NPY2R: variants seen among roughly 807,000 people sequenced by gnomAD.
The protein encoded by NPY2R is neuropeptide Y receptor Y2.
NPY2R carries 17 observed loss-of-function variants against 22.3 expected under a neutral mutation model. The observed-to-expected ratio is 0.76, with a 90% CI of 0.52 to 1.14. The LOEUF (loss-of-function observed/expected upper bound fraction) is 1.14, where lower values mean the gene tolerates loss of function less well. Ranked by LOEUF, NPY2R falls within the 50% of genes most tolerant of loss-of-function variation. The probability of loss-of-function intolerance (pLI) is 0.00; values close to 1 mark genes in which losing one functional copy is unlikely to be tolerated. For missense variants in NPY2R, 424 were observed against 467.9 expected, an observed-to-expected ratio of 0.91 and a Z score of 0.87; for synonymous variants, 209 against 183.4, an observed-to-expected ratio of 1.14 and a Z score of -1.13.
At chr4:155,182,368 G>A in the NPY2R span, among the ~76,000 whole-genome samples, 1 of 152,214 alleles carries the variant, frequency 6.6e-6, no homozygotes, top group Non-Finnish European at 1.5e-5. Flanking sequence ...TGTCACTTGT[G>A]GGTGTCTTTG....
the NPY2R span, among the ~76,000 whole-genome samples, chr4:155,197,033 A>G: frequency 1.3e-5 from 2 of 151,942 alleles, no homozygotes; most frequent in African/African-American, 4.8e-5. Flanking sequence ...TCATTGCTCA[A>G]AATACTAAGG....
At position 155,214,446 on chromosome 4, in the gene NPY2R, T is replaced by C. The variant is rs1729468849; in HGVS notation, c.507T>C (p.Ile169=). 1.9e-6 allele frequency: 3 copies of C among 1,614,048 alleles called. No individual in the cohort carries two copies. The highest frequency in any genetic ancestry group is 2.5e-6 in the Non-Finnish European group (3 of 1,180,008). Residue 169 remains isoleucine (I), a synonymous_variant, in exon 2 of 2, where the codon ATT becomes ATC. Coordinates refer to ENST00000329476, the MANE Select transcript of NPY2R (RefSeq NM_000910.4). Reference sequence around the variant, plus strand: ...CCAAGCGAATCAGCTTCCTGATTATTGGCTTGGCCTGGGGCATCAGTGCCC... The same window carrying C: ...CCAAGCGAATCAGCTTCCTGATTATCGGCTTGGCCTGGGGCATCAGTGCCC... ...KISKRISFLI[I]GLAWGISALL...
the NPY2R span, chr4:155,174,249 G>T: frequency 6.6e-6 from 1 of 151,694 alleles, no homozygotes; most frequent in Non-Finnish European, 1.5e-5. Context: ...TAAATAATTA[G>T]CTCCATACTC....
intron 1 of NPY2R, among the ~76,000 whole-genome samples, chr4:155,213,158 T>TA (rs1001134242): frequency 2.6e-5 from 4 of 151,972 alleles, no homozygotes; most frequent in African/African-American, 9.7e-5. Flanking sequence ...GAGTGAGGGA[T>TA]AAAAAAACTA....
the NPY2R span, among the ~76,000 whole-genome samples, chr4:155,176,149 C>T: frequency 6.6e-6 from 1 of 152,162 alleles, no homozygotes; most frequent in South Asian, 2.1e-4. Flanking sequence ...CTCTCTAATT[C>T]CTGTTTTCCC....
rs1326896715 is a variant in NPY2R, at chr4:155,216,325, ATTT to A, written c.*1244_*1246del. ...AATTGTAGAACATAGATGCTACAGT[ATTT>A]TTTATTTAATTATATTATGAATAAA... On this transcript the variant is annotated 3_prime_UTR_variant, in exon 2 of 2. Transcript: ENST00000329476. 6.0e-6 allele frequency: 1 copy of A among 166,616 alleles called. No individual in the cohort carries two copies. Among genetic ancestry groups the A allele is most frequent in the East Asian group, 1.9e-4 (1 of 5,202 alleles). 10.3% of individuals were successfully genotyped at this position (166,616 alleles called of 1,614,324 possible). A position where few individuals can be genotyped will look rare whatever the true frequency, so the allele number is the denominator to read the frequency against.
Position 155,213,947 on chromosome 4 carries a change from C to A in NPY2R, c.8C>A (p.Pro3Gln). MGPIGAEADENQT... is the reference protein window; with the variant it reads MGQIGAEADENQT... The stretch of plus-strand genomic sequence containing the variant: ...AGTGGACCTGTACTGAAAATGGGTC[C>A]AATAGGTGCAGAGGCTGATGAGAAC... Residue 3 changes from proline (P) to glutamine (Q), a missense_variant, in exon 2 of 2, where the codon CCA becomes CAA. By Grantham distance (76) the Pro-to-Gln change is moderately conservative. Transcript: ENST00000329476. 1 of 1,613,726 alleles carries A rather than the reference C, an allele frequency of 6.2e-7. No individual in the cohort carries two copies. Among genetic ancestry groups the A allele is most frequent in the South Asian group, 1.1e-5 (1 of 91,052 alleles).
chr4:155,178,347 T>C, the NPY2R span, among the ~76,000 whole-genome samples: 1 of 151,726 alleles, frequency 6.6e-6, no homozygotes, highest in Non-Finnish European at 1.5e-5. Context: ...TTGTTATCAA[T>C]TTAACTCCAT....
the NPY2R span, among the ~76,000 whole-genome samples, chr4:155,200,225 G>A: frequency 1.5e-3 from 224 of 152,096 alleles, no homozygotes; most frequent in African/African-American, 4.6e-3. Context: ...AAGACATTAC[G>A]TGGTCAACAA....
At chr4:155,179,118 A>AT in the NPY2R span, among the ~76,000 whole-genome samples, 42 of 152,006 alleles carry the variant, frequency 2.8e-4, no homozygotes, top group African/African-American at 8.7e-4. Flanking sequence ...CATATGTGCC[A>AT]TTTTTTCTCT....
At chr4:155,201,639 T>C in the NPY2R span, among the ~76,000 whole-genome samples, 1 of 152,128 alleles carries the variant, frequency 6.6e-6, no homozygotes, top group African/African-American at 2.4e-5. Flanking sequence ...AATGTCACGT[T>C]GGAGCATCAT....
the NPY2R span, among the ~76,000 whole-genome samples, chr4:155,201,355 C>T: frequency 6.6e-6 from 1 of 152,084 alleles, no homozygotes; most frequent in South Asian, 2.1e-4. Context: ...TGTTATAAGT[C>T]TAAATACTCT....
rs768686683 is a variant in NPY2R, at chr4:155,214,942, G to C, written c.1003G>C (p.Ala335Pro). 1 of 1,614,182 alleles carries C rather than the reference G, an allele frequency of 6.2e-7. No homozygotes were observed. Among genetic ancestry groups the C allele is most frequent in the Admixed American group, 1.7e-5 (1 of 60,028 alleles). ...YGWMNSNYRK[A>P]FLSAFRCEQR... Reference sequence around the variant, plus strand: ...CTGGATGAACAGCAACTACAGAAAGGCTTTCCTCTCGGCCTTCCGCTGTGA... The same window carrying C: ...CTGGATGAACAGCAACTACAGAAAGCCTTTCCTCTCGGCCTTCCGCTGTGA... Residue 335 changes from alanine (A) to proline (P), a missense_variant, in exon 2 of 2, where the codon GCT (alanine) becomes CCT (proline). Coordinates refer to ENST00000329476, the MANE Select transcript of NPY2R (RefSeq NM_000910.4).
the NPY2R span, among the ~76,000 whole-genome samples, chr4:155,192,756 A>C: frequency 6.6e-6 from 1 of 151,930 alleles, no homozygotes; most frequent in Non-Finnish European, 1.5e-5. Context: ...GACTAACATT[A>C]TTGTGAGAAT....
intron 1 of NPY2R, among the ~76,000 whole-genome samples, chr4:155,210,247 T>C (rs1184067414): frequency 1.2e-5 from 1 of 81,058 alleles, no homozygotes; most frequent in Non-Finnish European, 2.1e-5. Flanking sequence ...TGTTTTGACC[T>C]GGCTGAAGGG....
At chr4:155,203,815 A>G (rs1299894391), upstream of NPY2R, among the ~76,000 whole-genome samples, 3 of 152,212 alleles carry the variant, frequency 2.0e-5, no homozygotes, top group African/African-American at 7.2e-5. Flanking sequence ...TTTTCAATAT[A>G]CTAAATACCA....
chr4:155,191,668 C>T, the NPY2R span, among the ~76,000 whole-genome samples: 16 of 151,824 alleles, frequency 1.1e-4, no homozygotes, highest in African/African-American at 3.9e-4. Context: ...AAATCCTTGC[C>T]TGAATTTCAT....
the NPY2R span, among the ~76,000 whole-genome samples, chr4:155,185,714 A>G: frequency 6.6e-6 from 1 of 152,092 alleles, no homozygotes. Flanking sequence ...GGTACAACAA[A>G]AATCAAACAA....
the NPY2R span, among the ~76,000 whole-genome samples, chr4:155,202,110 T>G: frequency 1.3e-5 from 2 of 152,302 alleles, no homozygotes; most frequent in Admixed American, 1.3e-4. Context: ...GGTTCTACAT[T>G]GACTCAGTAT....
Sources: gnomAD v4.1 joint callset for allele counts (sites outside exome capture counted in the v4.1 genomes callset) on GRCh38, gnomAD v4.1.1 for gene constraint, MANE v1.5 for transcripts, NCBI Gene and HGNC (gene_info 2026-07-23, HGNC 2026-07-21) for gene names.